The following CEACAM20 variants were observed in gnomAD, a reference collection of about 807,000 sequenced individuals.
CEACAM20 encodes CEA cell adhesion molecule 20.
A neutral mutation model predicts 61.2 loss-of-function variants in CEACAM20; 50 were observed. The observed-to-expected ratio is 0.82, with a 90% confidence interval of 0.65 to 1.03. The LOEUF (loss-of-function observed/expected upper bound fraction) is 1.03. Ranked by LOEUF, CEACAM20 falls within the 50% of genes least tolerant of loss-of-function variation. CEACAM20 has a pLI of 0.00. For missense variants in CEACAM20, 683 were observed against 736.4 expected (o/e 0.93, Z 0.84); for synonymous variants, 282 against 287.7 (o/e 0.98, Z 0.20).
At chr19:44,516,429 G>T (rs185633112) in intron 6 of CEACAM20, among the ~76,000 whole-genome samples, 215 of 152,250 alleles carry the variant, frequency 1.4e-3, no homozygotes, top group Non-Finnish European at 2.4e-3. Flanking sequence ...GAATCATGGG[G>T]GTGGTTTCCC....
chr19:44,511,935 ATGCCAGCCCCCACCCTAAGAAG>A, intron 9 of CEACAM20, 60 bp downstream of exon 9: 1 of 1,342,384 alleles, frequency 7.4e-7, no homozygotes, highest in Non-Finnish European at 1.0e-6. Flanking sequence ...TCAAAAGATC[ATGCCAGCCCCCACCCTAAGAAG>A]TAAGACTATA....
intron 11 of CEACAM20, among the ~76,000 whole-genome samples, chr19:44,510,559 A>G (rs867283503): frequency 0.03 from 1,104 of 36,494 alleles, 34 homozygotes; most frequent in African/African-American, 0.12. Context: ...AAAGAAAGAA[A>G]GAAAGAAAGA....
chr19:44,519,843 AC>A (rs1477410731), intron 5 of CEACAM20, among the ~76,000 whole-genome samples: 1 of 152,052 alleles, frequency 6.6e-6, no homozygotes, highest in Non-Finnish European at 1.5e-5. Context: ...CACAGGCTGC[AC>A]CCTGCCAGTA....
intron 1 of CEACAM20, among the ~76,000 whole-genome samples, chr19:44,526,498 G>A (rs1205126777): frequency 6.9e-6 from 1 of 143,970 alleles, no homozygotes; most frequent in African/African-American, 2.6e-5. Context: ...GCAAAATCCT[G>A]TCTTAAAAAA....
intron 1 of CEACAM20, among the ~76,000 whole-genome samples, chr19:44,528,702 G>C (rs146305285): frequency 7.3e-5 from 11 of 151,608 alleles, no homozygotes; most frequent in African/African-American, 2.7e-4. Flanking sequence ...ACACATCTTT[G>C]TCTTTCTCTC....
At chr19:44,528,264 T>C (rs867442543) in intron 1 of CEACAM20, among the ~76,000 whole-genome samples, 1 of 151,694 alleles carries the variant, frequency 6.6e-6, no homozygotes, top group Non-Finnish European at 1.5e-5. Flanking sequence ...AGTCTTACTC[T>C]GTCACACAGG....
In CEACAM20 at chr19:44,524,234, C is replaced by T; in HGVS notation, c.224G>A (p.Ser75Asn). Reference protein sequence around the residue: ...RELAKPSIAVSPGTAIEQKDM... With the variant: ...RELAKPSIAVNPGTAIEQKDM... ...CTTCTGCTCTATGGCAGTGCCTGGG[C>T]TGACTGCAATGGAGGGTTTGGCCAG... Residue 75 changes from serine (S) to asparagine (N), a missense_variant, in exon 3 of 12, where the codon AGC becomes AAC. By Grantham distance (46) the Ser-to-Asn change is conservative (BLOSUM62 1). Coordinates refer to ENST00000614924, the MANE Select transcript of CEACAM20 (RefSeq NM_001102597.3). 1 of 1,613,574 alleles carries T rather than the reference C, an allele frequency of 6.2e-7. No individual in the cohort carries two copies. Among genetic ancestry groups the T allele is most frequent in the Admixed American group, 1.7e-5 (1 of 60,000 alleles).
At chr19:44,528,956 C>CTTTTTTTTTTTTT (rs71171255) in intron 1 of CEACAM20, among the ~76,000 whole-genome samples, 26 of 92,638 alleles carry the variant, frequency 2.8e-4, no homozygotes, top group East Asian at 7.7e-4. Flanking sequence ...CTCTTTCTTT[C>CTTTTTTTTTTTTT]TTTTTTTTTT....
Position 44,513,106 on chromosome 19 carries a change from G to A in CEACAM20, c.1427+66C>T, listed in dbSNP as rs189634421. 39 of 1,380,778 alleles carry A rather than the reference G, an allele frequency of 2.8e-5. No homozygotes were observed. In the African/African-American group the frequency reaches 5.0e-4, roughly 18 times the overall value. 85.5% of individuals were successfully genotyped at this position (1,380,778 alleles called of 1,614,324 possible). The stretch of plus-strand genomic sequence containing the variant: ...GACTCAGCACCATGGTCAGCAACAC[G>A]CCCGGCAAGCGCCCCCTGCTGGCCA... On this transcript the variant is annotated intron_variant, in intron 7 of 11. Transcript: ENST00000614924.
chr19:44,511,675 G>A lies in CEACAM20; in HGVS notation c.1576-3C>T, dbSNP rs911851709. The A allele has an allele frequency of 1.2e-6, 2 of 1,612,390 alleles. No homozygotes were observed. Among genetic ancestry groups the A allele is most frequent in the African/African-American group, 1.3e-5 (1 of 75,038 alleles). ...TCTGGAAGGTCTGGTGGTTGCATCT[G>A]GGGAAAAACAAAGTTGCAGAGAGGT... On this transcript the variant is annotated splice_polypyrimidine_tract_variant and splice_region_variant and intron_variant, in intron 9 of 11. Transcript: ENST00000614924.
chr19:44,518,584 A>T (rs918071294), intron 5 of CEACAM20, among the ~76,000 whole-genome samples: 1 of 152,176 alleles, frequency 6.6e-6, no homozygotes, highest in African/African-American at 2.4e-5. Context: ...ATTTAAAAAA[A>T]AAAACCTAAA....
In CEACAM20 at chr19:44,510,615, G is replaced by A. The variant is rs71362696; in HGVS notation, c.1737+415C>T. Among the ~76,000 whole-genome samples the A allele has an allele frequency of 2.6e-3, 218 of 82,516 alleles. 7 individuals carry two copies. The highest frequency in any genetic ancestry group is 0.012 in the Middle Eastern group (2 of 162). 54.1% of individuals were successfully genotyped at this position (82,516 alleles called of 152,430 possible). A position where few individuals can be genotyped will look rare whatever the true frequency, so the allele number is the denominator to read the frequency against. ...AAGAAAGAAAGAAAGAAAGAAAAAG[G>A]AAGGAAGGAAGAAAGAAAGAGAAGA... On this transcript the variant is annotated intron_variant, in intron 11 of 11. Transcript: ENST00000614924.
intron 11 of CEACAM20, among the ~76,000 whole-genome samples, chr19:44,507,494 C>T (rs768920334): frequency 1.9e-4 from 29 of 152,126 alleles, no homozygotes; most frequent in Non-Finnish European, 3.2e-4. Flanking sequence ...AGGACATTTA[C>T]ATAGAAATTC....
At chr19:44,510,957 T>C (rs1970977323) in intron 11 of CEACAM20, 73 bp downstream of exon 11, 1 of 1,588,278 alleles carries the variant, frequency 6.3e-7, no homozygotes, top group South Asian at 1.1e-5. Flanking sequence ...CTACAGACTC[T>C]TTAGTAGGGA....
chr19:44,523,196 G>A (rs907657921), intron 3 of CEACAM20, among the ~76,000 whole-genome samples: 3 of 151,950 alleles, frequency 2.0e-5, no homozygotes, highest in Non-Finnish European at 4.4e-5. Context: ...ATTGCTTGGA[G>A]CAAGGAGTTT....
intron 2 of CEACAM20, among the ~76,000 whole-genome samples, chr19:44,524,879 C>T (rs934419386): frequency 6.6e-6 from 1 of 151,136 alleles, no homozygotes. Context: ...CTGCACCCAG[C>T]CCCCCTACCC....
At chr19:44,520,850 GT>G in intron 4 of CEACAM20, 98 bp from the exon 5 acceptor site, 1 of 610,994 alleles carries the variant, frequency 1.6e-6, no homozygotes, top group Non-Finnish European at 2.2e-6. Context: ...GCGTGCGTGT[GT>G]GTGTGTGTGT....
Position 44,511,132 on chromosome 19 carries a change from A to C in CEACAM20, c.1635T>G (p.Arg545=), listed in dbSNP as rs534487383. ...TYETKLPSAS[R]RGNSFSPWKP... ...TCCAGGGGCTGAAAGAATTGCCTCT[A>C]CGGCTTGCTGAAGGCAGCTTCGTCT... is the stretch of plus-strand genomic sequence containing the variant. The change falls in exon 11 of 12, where the codon CGT becomes CGG. Residue 545 remains arginine (R), a synonymous_variant. Coordinates refer to ENST00000614924, the MANE Select transcript of CEACAM20 (RefSeq NM_001102597.3). 6.2e-7 allele frequency: 1 copy of C among 1,613,932 alleles called. No homozygotes were observed. The highest frequency in any genetic ancestry group is 1.3e-5 in the African/African-American group (1 of 75,046).
chr19:44,511,822 AAGAAGACGAGG>A, intron 9 of CEACAM20, 150 bp from the exon 10 acceptor site: 1 of 978,576 alleles, frequency 1.0e-6, no homozygotes, highest in Non-Finnish European at 1.6e-6. Context: ...GTCAAAGAAT[AAGAAGACGAGG>A]AGAAGAGATG....
Sources: gnomAD v4.1 joint callset for allele counts (sites outside exome capture counted in the v4.1 genomes callset) on GRCh38, gnomAD v4.1.1 for gene constraint, MANE v1.5 for transcripts, NCBI Gene and HGNC (gene_info 2026-07-23, HGNC 2026-07-21) for gene names.